PRELID2: variants seen among roughly 807,000 people sequenced by gnomAD.
PRELID2 encodes the protein PRELI domain-containing protein 2.
A neutral mutation model predicts 28.4 loss-of-function variants in PRELID2; 25 were observed. The ratio of observed to expected loss-of-function variants is 0.88; its 90% CI spans 0.64 to 1.23. The LOEUF (loss-of-function observed/expected upper bound fraction) is 1.23. Ranked by LOEUF, PRELID2 falls within the 50% of genes most tolerant of loss-of-function variation. PRELID2 has a pLI of 0.00. For missense variants in PRELID2, 201 were observed against 214.4 expected (o/e 0.94, Z 0.39); for synonymous variants, 76 against 71.6 (o/e 1.06, Z -0.31).
intron 1 of PRELID2, among the ~76,000 whole-genome samples, chr5:145,485,560 C>A (rs1391941230): frequency 1.3e-5 from 2 of 152,200 alleles, no homozygotes; most frequent in African/African-American, 4.8e-5. Context: ...CCATCCTTAA[C>A]TGGCTTGGCT....
intron 1 of PRELID2, among the ~76,000 whole-genome samples, chr5:145,483,209 T>C (rs954454453): frequency 5.3e-5 from 8 of 152,184 alleles, no homozygotes; most frequent in Non-Finnish European, 1.0e-4. Context: ...ATATAGAGTC[T>C]GTTTCCCACC....
the PRELID2 span, among the ~76,000 whole-genome samples, chr5:145,462,867 C>T: frequency 1.3e-5 from 2 of 152,132 alleles, no homozygotes; most frequent in Non-Finnish European, 2.9e-5. Flanking sequence ...TCTACTAGCC[C>T]CAGGTTACTA....
At chr5:145,290,101 C>A in the PRELID2 span, among the ~76,000 whole-genome samples, 1 of 152,128 alleles carries the variant, frequency 6.6e-6, no homozygotes, top group Non-Finnish European at 1.5e-5. Context: ...CAGGGAACAA[C>A]AGGTGCTGGA....
At chr5:145,460,787 A>G in the PRELID2 span, among the ~76,000 whole-genome samples, 1 of 152,210 alleles carries the variant, frequency 6.6e-6, no homozygotes, top group Non-Finnish European at 1.5e-5. Flanking sequence ...CATGTTTTCT[A>G]TTGTGCTATA....
At chr5:145,258,574 G>T in the PRELID2 span, among the ~76,000 whole-genome samples, 2 of 152,124 alleles carry the variant, frequency 1.3e-5, no homozygotes, top group Admixed American at 6.6e-5. Flanking sequence ...ATAATTTAGG[G>T]TATCTGTAGA....
chr5:145,828,211 T>C, intron 1 of PRELID2, among the ~76,000 whole-genome samples: 1 of 152,174 alleles, frequency 6.6e-6, no homozygotes, highest in Non-Finnish European at 1.5e-5. Flanking sequence ...AATAAATACT[T>C]ACCTCAAAGA....
chr5:145,590,611 T>C (rs143000646), intron 1 of PRELID2, among the ~76,000 whole-genome samples: 1 of 152,344 alleles, frequency 6.6e-6, no homozygotes, highest in African/African-American at 2.4e-5. Flanking sequence ...CAATTTATAC[T>C]TGTATTAGTA....
chr5:145,607,692 A>C (rs1373945621), intron 1 of PRELID2, among the ~76,000 whole-genome samples: 1 of 152,072 alleles, frequency 6.6e-6, no homozygotes, highest in Non-Finnish European at 1.5e-5. Context: ...TGTATGCCAC[A>C]TGCAGATGGG....
chr5:145,405,702 GTTTTT>G, the PRELID2 span, among the ~76,000 whole-genome samples: 2 of 54,626 alleles, frequency 3.7e-5, no homozygotes, highest in Non-Finnish European at 3.6e-5. Context: ...CCACATAGTT[GTTTTT>G]TTTTTTTTTT....
At chr5:145,668,815 G>T (rs1472695747) in intron 1 of PRELID2, among the ~76,000 whole-genome samples, 3 of 152,030 alleles carry the variant, frequency 2.0e-5, no homozygotes, top group Non-Finnish European at 4.4e-5. Context: ...TCAAACTAAA[G>T]ACTTTATTAT....
At chr5:145,368,948 G>A in the PRELID2 span, among the ~76,000 whole-genome samples, 1 of 151,512 alleles carries the variant, frequency 6.6e-6, no homozygotes, top group Non-Finnish European at 1.5e-5. Flanking sequence ...TATTTTTCCT[G>A]ATCATCTCCC....
chr5:145,234,806 G>T, the PRELID2 span, among the ~76,000 whole-genome samples: 2 of 152,056 alleles, frequency 1.3e-5, no homozygotes, highest in Non-Finnish European at 2.9e-5. Context: ...CGCATAGCTG[G>T]ACACCTGGCT....
At chr5:145,266,617 G>A in the PRELID2 span, among the ~76,000 whole-genome samples, 1 of 152,104 alleles carries the variant, frequency 6.6e-6, no homozygotes, top group Non-Finnish European at 1.5e-5. Flanking sequence ...CAACCACTAT[G>A]GAAAACAGTA....
At chr5:145,766,716 C>A (rs1757784793) in intron 5 of PRELID2, among the ~76,000 whole-genome samples, 2 of 152,104 alleles carry the variant, frequency 1.3e-5, no homozygotes, top group Non-Finnish European at 2.9e-5. Context: ...GACCTGAGTT[C>A]TAGTCACAGC....
At chr5:145,412,113 G>A in the PRELID2 span, among the ~76,000 whole-genome samples, 4 of 152,100 alleles carry the variant, frequency 2.6e-5, no homozygotes, top group Admixed American at 6.5e-5. Context: ...TCTCTGACAC[G>A]CCCTGGAGAC....
chr5:145,231,214 CT>C, the PRELID2 span, among the ~76,000 whole-genome samples: 60 of 147,028 alleles, frequency 4.1e-4, no homozygotes, highest in African/African-American at 6.2e-4. Context: ...ATGATCCACT[CT>C]TTTTTTTTTT....
At chr5:145,370,239 T>A in the PRELID2 span, among the ~76,000 whole-genome samples, 1 of 152,028 alleles carries the variant, frequency 6.6e-6, no homozygotes, top group Admixed American at 6.6e-5. Flanking sequence ...CCTTCTAGGG[T>A]TTTTTTAGTT....
intron 1 of PRELID2, among the ~76,000 whole-genome samples, chr5:145,685,485 AG>A: frequency 6.6e-6 from 1 of 152,324 alleles, no homozygotes; most frequent in East Asian, 1.9e-4. Context: ...GGCATAGATA[AG>A]AATTTAGAGG....
chr5:145,291,361 AG>A, the PRELID2 span, among the ~76,000 whole-genome samples: 2 of 148,506 alleles, frequency 1.3e-5, no homozygotes, highest in African/African-American at 2.5e-5. Flanking sequence ...AAAAAAAAAA[AG>A]GAGAGGGGTA....
Sources: allele counts gnomAD v4.1 joint callset (sites outside exome capture counted in the v4.1 genomes callset), GRCh38; gene constraint gnomAD v4.1.1; transcripts MANE v1.5; gene names NCBI Gene and HGNC (gene_info 2026-07-23, HGNC 2026-07-21).